Variants in RIMS1 observed in about 807,000 individuals in gnomAD.
The protein encoded by RIMS1 is regulating synaptic membrane exocytosis protein 1.
A neutral mutation model predicts 214.1 loss-of-function variants in RIMS1; 83 were observed. The observed-to-expected ratio is 0.39, with a 90% confidence interval of 0.32 to 0.47. RIMS1 has a LOEUF of 0.47. Ranked by LOEUF, RIMS1 falls within the 20% of genes least tolerant of loss-of-function variation. The pLI is 0.99. For missense variants in RIMS1, 2,050 were observed against 2,161.8 expected, an observed-to-expected ratio of 0.95 and a Z score of 1.03; for synonymous variants, 793 against 786.8, an observed-to-expected ratio of 1.01 and a Z score of -0.13.
At chr6:71,945,684 A>C (rs1464467591) in intron 1 of RIMS1, among the ~76,000 whole-genome samples, 1 of 152,182 alleles carries the variant, frequency 6.6e-6, no homozygotes, top group Non-Finnish European at 1.5e-5. Flanking sequence ...AAGCAAAAGA[A>C]AGAAAGAAAA....
At chr6:71,918,356 C>G (rs1214027418) in intron 1 of RIMS1, among the ~76,000 whole-genome samples, 1 of 152,070 alleles carries the variant, frequency 6.6e-6, no homozygotes, top group Non-Finnish European at 1.5e-5. Flanking sequence ...CTAATCCTGC[C>G]AGATGCTTCT....
At chr6:72,400,158 G>A (rs572064587) in intron 33 of RIMS1, among the ~76,000 whole-genome samples, 8 of 151,928 alleles carry the variant, frequency 5.3e-5, no homozygotes, top group Admixed American at 3.3e-4. Flanking sequence ...CCTGTACATC[G>A]CTAATTAGAT....
intron 1 of RIMS1, among the ~76,000 whole-genome samples, chr6:71,945,530 A>G (rs998865125): frequency 1.3e-5 from 2 of 152,230 alleles, no homozygotes; most frequent in South Asian, 4.1e-4. Context: ...CACAATAAAG[A>G]TCATGTATGA....
At chr6:72,179,359 T>G in intron 4 of RIMS1, 1 of 581,616 alleles carries the variant, frequency 1.7e-6, no homozygotes, top group Non-Finnish European at 3.1e-6. Context: ...AAACCTCTAC[T>G]CTGGCTGCTG....
chr6:72,201,994 C>A (rs559527964), intron 6 of RIMS1, among the ~76,000 whole-genome samples: 1 of 152,258 alleles, frequency 6.6e-6, no homozygotes, highest in East Asian at 1.9e-4. Context: ...TTATTCATAC[C>A]TCGTGGGGCA....
intron 2 of RIMS1, among the ~76,000 whole-genome samples, chr6:72,096,356 A>G (rs569318807): frequency 6.6e-6 from 1 of 152,314 alleles, no homozygotes; most frequent in Admixed American, 6.5e-5. Flanking sequence ...CTTGATCCCA[A>G]ATAGATAAGT....
At chr6:72,188,247 A>G (rs2049457034) in intron 6 of RIMS1, among the ~76,000 whole-genome samples, 2 of 152,218 alleles carry the variant, frequency 1.3e-5, no homozygotes, top group South Asian at 2.1e-4. Context: ...GACACTCGAT[A>G]TTAACCATCA....
At chr6:72,001,668 TTGAC>T (rs1397920818) in intron 2 of RIMS1, among the ~76,000 whole-genome samples, 2 of 152,188 alleles carry the variant, frequency 1.3e-5, no homozygotes, top group African/African-American at 2.4e-5. Flanking sequence ...GACTAAAACT[TTGAC>T]TAATCTAATA....
intron 23 of RIMS1, among the ~76,000 whole-genome samples, chr6:72,277,109 A>C (rs1177567706): frequency 6.6e-6 from 1 of 152,252 alleles, no homozygotes; most frequent in African/African-American, 2.4e-5. Context: ...TATCCAGTAC[A>C]TTCAAATAAA....
At chr6:72,271,286 A>AAATAT (rs1417580438) in intron 22 of RIMS1, among the ~76,000 whole-genome samples, 6 of 44,422 alleles carry the variant, frequency 1.4e-4, no homozygotes, top group African/African-American at 2.1e-4. Flanking sequence ...AAAAAAAAAA[A>AAATAT]ATATATATAT....
At chr6:72,262,310 C>T (rs1367949483) in intron 19 of RIMS1, 2 of 935,528 alleles carry the variant, frequency 2.1e-6, no homozygotes, top group Non-Finnish European at 2.5e-6. Context: ...TCCACAAGTC[C>T]TATTTAATAG....
intron 24 of RIMS1, among the ~76,000 whole-genome samples, chr6:72,289,842 T>G (rs1466981827): frequency 1.3e-5 from 2 of 152,134 alleles, no homozygotes; most frequent in Non-Finnish European, 2.9e-5. Flanking sequence ...GCTAGGTGTT[T>G]TAATCATGCA....
chr6:72,086,056 TG>T (rs1834585048), intron 2 of RIMS1, among the ~76,000 whole-genome samples: 1 of 152,190 alleles, frequency 6.6e-6, no homozygotes, highest in South Asian at 2.1e-4. Flanking sequence ...CACTGGATTT[TG>T]GAATCCTTCC....
intron 2 of RIMS1, among the ~76,000 whole-genome samples, chr6:72,004,810 T>A (rs1452878303): frequency 6.6e-6 from 1 of 151,366 alleles, no homozygotes; most frequent in Non-Finnish European, 1.5e-5. Context: ...TTTTCTCCCA[T>A]TCTGTAGGTT....
At chr6:72,239,224 C>T (rs1324115474) in intron 9 of RIMS1, among the ~76,000 whole-genome samples, 1 of 152,072 alleles carries the variant, frequency 6.6e-6, no homozygotes, top group Non-Finnish European at 1.5e-5. Context: ...ACATTATATA[C>T]ACATTATAAA....
intron 19 of RIMS1, chr6:72,263,211 T>A: frequency 1.0e-6 from 1 of 985,200 alleles, no homozygotes; most frequent in Non-Finnish European, 1.2e-6. Context: ...TAAAGTCATG[T>A]TCTAAAGAAA....
chr6:72,317,808 T>G (rs1007610228), intron 28 of RIMS1, among the ~76,000 whole-genome samples: 4 of 152,190 alleles, frequency 2.6e-5, no homozygotes, highest in African/African-American at 9.6e-5. Context: ...CTCTTTTGCC[T>G]ATTCGATTTG....
intron 2 of RIMS1, among the ~76,000 whole-genome samples, chr6:72,016,835 C>T (rs562614351): frequency 1.4e-4 from 21 of 152,190 alleles, no homozygotes; most frequent in Non-Finnish European, 2.8e-4. Flanking sequence ...AATTAAAATT[C>T]CCTTCAATGC....
At chr6:72,282,793 C>G (rs1041084942) in intron 23 of RIMS1, among the ~76,000 whole-genome samples, 3 of 152,072 alleles carry the variant, frequency 2.0e-5, no homozygotes, top group Admixed American at 1.3e-4. Context: ...TGAGTACGCT[C>G]TTTTCCAACT....
Sources: gnomAD v4.1 joint callset for allele counts (sites outside exome capture counted in the v4.1 genomes callset) on GRCh38, gnomAD v4.1.1 for gene constraint, MANE v1.5 for transcripts, NCBI Gene and HGNC (gene_info 2026-07-23, HGNC 2026-07-21) for gene names.